Variants in ACTR3B observed in about 807,000 individuals in gnomAD.
The protein encoded by ACTR3B is actin-related protein 3B.
In ACTR3B, 8 loss-of-function variants were observed where a neutral mutation model predicts 59.0. The observed-to-expected ratio is 0.14, with a 90% CI of 0.08 to 0.24. The LOEUF is 0.24. Among genes scored for constraint, ACTR3B ranks in the 10% least tolerant of loss-of-function variants. The pLI is 1.00. For missense variants in ACTR3B, 245 were observed against 552.3 expected (o/e 0.44, Z 5.58); for synonymous variants, 148 against 197.9 (o/e 0.75, Z 2.12).
chr7:152,815,928 C>G (rs1423122529), intron 5 of ACTR3B, among the ~76,000 whole-genome samples: 1 of 151,944 alleles, frequency 6.6e-6, no homozygotes. Context: ...CTTTGTAAAA[C>G]TTTAGTTTTT....
chr7:152,825,283 A>G (rs560615220), intron 9 of ACTR3B, among the ~76,000 whole-genome samples, 161 bp downstream of exon 9: 1 of 152,186 alleles, frequency 6.6e-6, no homozygotes, highest in African/African-American at 2.4e-5. Context: ...GAAAATGGAA[A>G]TATGACTCAG....
chr7:152,763,907 A>T (rs2098099268), intron 1 of ACTR3B, among the ~76,000 whole-genome samples: 3 of 152,230 alleles, frequency 2.0e-5, no homozygotes, highest in Admixed American at 2.0e-4. Context: ...ATAATCCATT[A>T]TGCCGTCCTC....
intron 11 of ACTR3B, 80 bp downstream of exon 11, chr7:152,853,657 G>C: frequency 8.3e-7 from 1 of 1,209,512 alleles, no homozygotes. Flanking sequence ...CTACGAAGGT[G>C]AAATAGTGTG....
chr7:152,759,835 G>A lies in ACTR3B; in HGVS notation c.-48G>A, dbSNP rs768353321. ...AGCGGGCGGCGGAGCGGACGGCGAC[G>A]GGGCGCTCTCGGGCTGCCGGCGGGG... On this transcript the variant is annotated 5_prime_UTR_variant, in exon 1 of 12. Transcript: ENST00000256001. 3 of 1,213,782 alleles carry A rather than the reference G, an allele frequency of 2.5e-6. No homozygotes were observed. Among genetic ancestry groups the A allele is most frequent in the Non-Finnish European group, 3.1e-6 (3 of 973,874 alleles). The allele number at this position is 1,213,782 out of a possible 1,614,324, so 75.2% of individuals were successfully genotyped here.
At chr7:152,851,375 T>C (rs924204657) in intron 9 of ACTR3B, among the ~76,000 whole-genome samples, 1 of 152,196 alleles carries the variant, frequency 6.6e-6, no homozygotes, top group Admixed American at 6.5e-5. Flanking sequence ...GTGAGGCCAC[T>C]GTGGCCTCTG....
chr7:152,838,494 A>G (rs988238813), intron 9 of ACTR3B, among the ~76,000 whole-genome samples: 7 of 152,256 alleles, frequency 4.6e-5, no homozygotes, highest in African/African-American at 1.7e-4. Context: ...ATGAGAAGAC[A>G]TGGACACAGG....
intron 9 of ACTR3B, among the ~76,000 whole-genome samples, chr7:152,831,623 T>G (rs1165660523): frequency 6.6e-6 from 1 of 152,000 alleles, no homozygotes; most frequent in Non-Finnish European, 1.5e-5. Context: ...CAGGTCGGAG[T>G]GAAGGCTGGT....
chr7:152,807,531 A>G (rs1005112461), intron 4 of ACTR3B, among the ~76,000 whole-genome samples: 19 of 152,188 alleles, frequency 1.2e-4, no homozygotes, highest in African/African-American at 4.6e-4. Flanking sequence ...CTTAAAAAGA[A>G]CTAGCAGTGT....
At chr7:152,797,912 A>G (rs2098222914) in intron 2 of ACTR3B, among the ~76,000 whole-genome samples, 2 of 152,158 alleles carry the variant, frequency 1.3e-5, no homozygotes, top group African/African-American at 4.8e-5. Flanking sequence ...TTATAAAGCC[A>G]CATTTTCTTT....
At position 152,774,022 on chromosome 7, in the gene ACTR3B, T is replaced by C. The variant is rs2098130580; in HGVS notation, c.45-9165T>C. ...TCTCAGCTCTTGCCCCTGCTGTCTT[T>C]CTTATATCTCTAAAGTCAGGCACGA... On this transcript the variant is annotated intron_variant, in intron 1 of 11. Transcript: ENST00000256001. Among the ~76,000 whole-genome samples, 5 of 152,338 alleles carry C rather than the reference T, an allele frequency of 3.3e-5. No homozygotes were observed. The South Asian group carries it at 1.0e-3, about 32-fold the overall frequency.
intron 1 of ACTR3B, among the ~76,000 whole-genome samples, chr7:152,782,352 G>A (rs1348728153): frequency 2.0e-5 from 3 of 151,740 alleles, no homozygotes; most frequent in Admixed American, 6.6e-5. Context: ...GAGTCTTCTC[G>A]ATTTACTTAC....
At chr7:152,802,191 G>C (rs960325602) in intron 4 of ACTR3B, among the ~76,000 whole-genome samples, 1 of 152,066 alleles carries the variant, frequency 6.6e-6, no homozygotes, top group African/African-American at 2.4e-5. Context: ...AGAGCAATAG[G>C]AATGGATTTA....
At chr7:152,810,103 C>T (rs1252406807) in intron 4 of ACTR3B, among the ~76,000 whole-genome samples, 1 of 152,020 alleles carries the variant, frequency 6.6e-6, no homozygotes, top group East Asian at 1.9e-4. Context: ...TCCCCTCTCC[C>T]TCCACCTTGT....
intron 9 of ACTR3B, among the ~76,000 whole-genome samples, chr7:152,841,768 G>T (rs1297682597): frequency 1.3e-5 from 2 of 152,138 alleles, no homozygotes; most frequent in Non-Finnish European, 2.9e-5. Flanking sequence ...CCTCTTTAGG[G>T]CATCTTTCTT....
chr7:152,797,883 C>T (rs759689395), intron 2 of ACTR3B, among the ~76,000 whole-genome samples: 5 of 152,028 alleles, frequency 3.3e-5, no homozygotes, highest in African/African-American at 4.8e-5. Flanking sequence ...TTTTAAATGG[C>T]TGAATAGTAT....
At chr7:152,763,990 C>T (rs2098099548) in intron 1 of ACTR3B, among the ~76,000 whole-genome samples, 1 of 151,718 alleles carries the variant, frequency 6.6e-6, no homozygotes, top group Non-Finnish European at 1.5e-5. Context: ...CAGGCTGACT[C>T]CCATGTTCTT....
intron 5 of ACTR3B, among the ~76,000 whole-genome samples, chr7:152,815,390 C>G (rs931734417): frequency 2.0e-4 from 30 of 152,220 alleles, no homozygotes; most frequent in African/African-American, 7.2e-4. Context: ...TATTTAACTA[C>G]AGATCTTCCC....
chr7:152,833,316 G>A (rs1797175858), intron 9 of ACTR3B, among the ~76,000 whole-genome samples: 2 of 152,216 alleles, frequency 1.3e-5, no homozygotes, highest in Admixed American at 6.5e-5. Context: ...ACACCGTTGG[G>A]TATCATAACA....
At chr7:152,830,883 A>T (rs1796973381) in intron 9 of ACTR3B, among the ~76,000 whole-genome samples, 1 of 152,198 alleles carries the variant, frequency 6.6e-6, no homozygotes, top group Non-Finnish European at 1.5e-5. Flanking sequence ...AGTATGTTTA[A>T]ATACCTTAAT....
Sources: gnomAD v4.1 joint callset for allele counts (sites outside exome capture counted in the v4.1 genomes callset) on GRCh38, gnomAD v4.1.1 for gene constraint, MANE v1.5 for transcripts, NCBI Gene and HGNC (gene_info 2026-07-23, HGNC 2026-07-21) for gene names.